The following MYO1D variants were observed in gnomAD, a reference collection of about 807,000 sequenced individuals.
The protein encoded by MYO1D is unconventional myosin-Id.
A neutral mutation model predicts 122.0 loss-of-function variants in MYO1D; 83 were observed. The observed-to-expected ratio is 0.68, with a 90% CI of 0.57 to 0.82. The LOEUF is 0.82. Ranked by LOEUF, MYO1D falls within the 40% of genes least tolerant of loss-of-function variation. The pLI, the probability that MYO1D is intolerant of heterozygous loss-of-function variation, is 0.00. For missense variants in MYO1D, 1,157 were observed against 1,269.5 expected, an observed-to-expected ratio of 0.91 and a Z score of 1.35; for synonymous variants, 464 against 446.9, an observed-to-expected ratio of 1.04 and a Z score of -0.48.
At chr17:32,574,695 C>T (rs1032707580) in intron 21 of MYO1D, among the ~76,000 whole-genome samples, 6 of 152,140 alleles carry the variant, frequency 3.9e-5, no homozygotes, top group African/African-American at 1.4e-4. Context: ...TGTGGGCTCA[C>T]TATACAGATT....
At chr17:32,762,650 G>T (rs971557268) in intron 8 of MYO1D, among the ~76,000 whole-genome samples, 1 of 152,140 alleles carries the variant, frequency 6.6e-6, no homozygotes, top group African/African-American at 2.4e-5. Context: ...GAGGTGGGCA[G>T]ATCACCTGAG....
chr17:32,798,803 G>A (rs1483376872), intron 1 of MYO1D, among the ~76,000 whole-genome samples: 3 of 152,204 alleles, frequency 2.0e-5, no homozygotes, highest in African/African-American at 4.8e-5. Flanking sequence ...TTAAATGATG[G>A]TTGAGATATG....
rs550685020 is a variant in MYO1D at position 32,531,284 on chromosome 17, G to A, written c.2865-36369C>T. 7 of 152,358 alleles carry A rather than the reference G, an allele frequency of 4.6e-5. No individual in the cohort carries two copies. In the South Asian group the frequency reaches 8.3e-4, roughly 18 times the overall value. The allele number at this position is 152,358 out of a possible 1,614,324, so 9.4% of individuals were successfully genotyped here. A position where few individuals can be genotyped will look rare whatever the true frequency, so the allele number is the denominator to read the frequency against. ...GCTGCCTGTGACCAAGGTTTCCCCT[G>A]TGTAGAAGCCTACTGTCGGAAAAAA... On this transcript the variant is annotated intron_variant, in intron 21 of 21. Transcript: ENST00000318217.
At chr17:32,655,327 C>A (rs527565471) in intron 17 of MYO1D, among the ~76,000 whole-genome samples, 1 of 152,312 alleles carries the variant, frequency 6.6e-6, no homozygotes, top group South Asian at 2.1e-4. Flanking sequence ...TTTCTGCTAG[C>A]TGCTTGTCTT....
At chr17:32,663,730 C>T (rs1294070378) in intron 16 of MYO1D, among the ~76,000 whole-genome samples, 1 of 152,128 alleles carries the variant, frequency 6.6e-6, no homozygotes, top group Admixed American at 6.6e-5. Context: ...AGAAAGGGTC[C>T]CCGATGAAGG....
intron 1 of MYO1D, among the ~76,000 whole-genome samples, chr17:32,804,812 T>C (rs1009345422): frequency 7.9e-5 from 12 of 152,146 alleles, no homozygotes; most frequent in Admixed American, 3.9e-4. Flanking sequence ...GACATTACAG[T>C]GGCAGCCAAG....
intron 16 of MYO1D, among the ~76,000 whole-genome samples, chr17:32,660,935 T>A (rs568248064): frequency 5.9e-5 from 9 of 152,330 alleles, no homozygotes; most frequent in Non-Finnish European, 1.0e-4. Flanking sequence ...TTTTTAAGTT[T>A]CCTACTGTTT....
At chr17:32,610,715 T>TC (rs2087689815) in intron 20 of MYO1D, among the ~76,000 whole-genome samples, 1 of 151,816 alleles carries the variant, frequency 6.6e-6, no homozygotes, top group Non-Finnish European at 1.5e-5. Context: ...GGTCTTACAC[T>TC]CTAAGTGAAA....
At chr17:32,593,619 TAAAC>T (rs1223372563) in intron 21 of MYO1D, among the ~76,000 whole-genome samples, 1 of 152,220 alleles carries the variant, frequency 6.6e-6, no homozygotes, top group African/African-American at 2.4e-5. Flanking sequence ...GGATTAACTA[TAAAC>T]ATAGTTATAT....
At position 32,853,296 on chromosome 17, in the gene MYO1D, T is replaced by C. The variant is rs375324913; in HGVS notation, c.95+23482A>G. 5.9e-5 allele frequency among the ~76,000 whole-genome samples: 9 copies of C among 152,342 alleles called. No homozygotes were observed. In the South Asian group the frequency reaches 1.7e-3, roughly 28 times the overall value. On this transcript the variant is annotated intron_variant, in intron 1 of 21. Coordinates refer to ENST00000318217, the MANE Select transcript of MYO1D (RefSeq NM_015194.3). ...GTCATGTGATTATATATCTCCTTCATTAACACCACAGTCTTCTAAAATGTA... is the reference window on the plus strand; with the variant it reads ...GTCATGTGATTATATATCTCCTTCACTAACACCACAGTCTTCTAAAATGTA...
intron 1 of MYO1D, among the ~76,000 whole-genome samples, chr17:32,850,237 A>G (rs1293885116): frequency 6.6e-6 from 1 of 152,246 alleles, no homozygotes; most frequent in Non-Finnish European, 1.5e-5. Context: ...AAGACCATGT[A>G]AGAGAAAACA....
At chr17:32,805,560 C>A (rs189862138) in intron 1 of MYO1D, among the ~76,000 whole-genome samples, 141 of 151,852 alleles carry the variant, frequency 9.3e-4, no homozygotes, top group Admixed American at 2.0e-3. Flanking sequence ...AAGCCAAAAC[C>A]GATGGAGAAG....
At chr17:32,602,555 G>A (rs2087574271) in intron 21 of MYO1D, 1 of 152,160 alleles carries the variant, frequency 6.6e-6, no homozygotes, top group South Asian at 2.1e-4. Context: ...CAATTACCCT[G>A]TGAATGACGA....
At chr17:32,798,004 G>A (rs546156164) in intron 1 of MYO1D, among the ~76,000 whole-genome samples, 1 of 152,144 alleles carries the variant, frequency 6.6e-6, no homozygotes, top group Non-Finnish European at 1.5e-5. Flanking sequence ...AAAGAAATAC[G>A]TTTATGCCAA....
chr17:32,660,812 T>C (rs908824912), intron 16 of MYO1D, among the ~76,000 whole-genome samples: 6 of 152,210 alleles, frequency 3.9e-5, no homozygotes, highest in Non-Finnish European at 7.3e-5. Flanking sequence ...GATGGCTTTG[T>C]TACGCCTCCA....
intron 21 of MYO1D, among the ~76,000 whole-genome samples, chr17:32,554,713 C>T (rs2087053331): frequency 6.6e-6 from 1 of 151,982 alleles, no homozygotes. Context: ...AATTAGTAAC[C>T]AAATCATAAA....
rs2091041115 is a variant in MYO1D, at chr17:32,857,974, CT to C, written c.95+18803del. ...AGTATACACAGTTTCTAGCAAAAAG[CT>C]TTAAGTAATACCTGTTGATTGGTAA... is the stretch of plus-strand genomic sequence containing the variant. On this transcript the variant is annotated intron_variant, in intron 1 of 21. Transcript: ENST00000318217. Among the ~76,000 whole-genome samples the C allele has an allele frequency of 2.6e-5, 4 of 152,250 alleles. No homozygotes were observed. The South Asian group carries it at 8.3e-4, about 32-fold the overall frequency.
chr17:32,864,006 CCTTTTTTTTTTTTTTT>C (rs2091100815), intron 1 of MYO1D, among the ~76,000 whole-genome samples: 1 of 23,880 alleles, frequency 4.2e-5, no homozygotes, highest in African/African-American at 2.0e-4. Flanking sequence ...AACATTTCTT[CCTTTTTTTTTTTTTTT>C]TTTTTTTTTT....
intron 20 of MYO1D, among the ~76,000 whole-genome samples, chr17:32,615,857 G>A (rs1271672969): frequency 6.6e-6 from 1 of 152,230 alleles, no homozygotes; most frequent in Non-Finnish European, 1.5e-5. Flanking sequence ...GTATGGGAGA[G>A]TTTATTTTGC....
Sources: gnomAD v4.1 joint callset for allele counts (sites outside exome capture counted in the v4.1 genomes callset) on GRCh38, gnomAD v4.1.1 for gene constraint, MANE v1.5 for transcripts, NCBI Gene and HGNC (gene_info 2026-07-23, HGNC 2026-07-21) for gene names.